Variants in HNRNPA1 observed in about 807,000 individuals in gnomAD.
HNRNPA1 encodes the protein epididymis secretory sperm binding protein.
In HNRNPA1, 7 loss-of-function variants were observed where a neutral mutation model predicts 44.4. The ratio of observed to expected loss-of-function variants is 0.16; its 90% CI spans 0.09 to 0.30. HNRNPA1 has a LOEUF of 0.30. HNRNPA1 is among the 10% of genes least tolerant of loss of function. The pLI is 1.00. For synonymous variants in HNRNPA1, 169 were observed against 160.6 expected, an observed-to-expected ratio of 1.05 and a Z score of -0.40; for missense variants, 193 against 465.8, an observed-to-expected ratio of 0.41 and a Z score of 5.39.
chr12:54,281,871 C>T lies in HNRNPA1; in HGVS notation c.209C>T (p.Ala70Val), dbSNP rs1225931732. The T allele has an allele frequency of 6.2e-7, 1 of 1,613,304 alleles. No individual in the cohort carries two copies. Among genetic ancestry groups the T allele is most frequent in the East Asian group, 2.2e-5 (1 of 44,886 alleles). Residue 70 changes from alanine to valine, a missense_variant, in exon 3 of 11, where the codon GCA becomes GTA. Physicochemically the swap from Ala to Val is moderately conservative, Grantham distance 64 (BLOSUM62 0). Transcript: ENST00000340913. ...VTYATVEEVD[A>V]AMNARPHKVD... ...TATGCCACTGTGGAGGAGGTGGATG[C>T]AGCTATGAATGCAAGGCCACACAAG...
chr12:54,282,068 C>G, intron 3 of HNRNPA1, 22 bp from the exon 4 acceptor site: 1 of 1,608,798 alleles, frequency 6.2e-7, no homozygotes. Context: ...CTAATCTAAA[C>G]CTATGGTTTT....
In HNRNPA1 at chr12:54,282,075, T is replaced by C; in HGVS notation, c.280-15T>C. The C allele has an allele frequency of 6.2e-7, 1 of 1,610,820 alleles. No homozygotes were observed. The highest frequency in any genetic ancestry group is 8.5e-7 in the Non-Finnish European group (1 of 1,177,764). On this transcript the variant is annotated splice_polypyrimidine_tract_variant and intron_variant, in intron 3 of 10. Transcript: ENST00000340913. The stretch of plus-strand genomic sequence containing the variant: ...AGGCTTTGCTAATCTAAACCTATGG[T>C]TTTTCTCCTATTAGGATTCTCAAAG...
At chr12:54,281,712 T>C in intron 2 of HNRNPA1, 83 bp from the exon 3 acceptor site, 1 of 1,406,392 alleles carries the variant, frequency 7.1e-7, no homozygotes. Flanking sequence ...TGGTGTAAAG[T>C]TTCCTATTGC....
At chr12:54,282,746 A>C (rs1944195928) in intron 6 of HNRNPA1, 54 bp from the exon 7 acceptor site, 1 of 1,587,710 alleles carries the variant, frequency 6.3e-7, no homozygotes, top group Non-Finnish European at 8.6e-7. Flanking sequence ...AACTGCATTC[A>C]GAATGTCACT....
At chr12:54,281,653 C>T (rs1485866406) in intron 2 of HNRNPA1, 142 bp from the exon 3 acceptor site, 2 of 1,036,922 alleles carry the variant, frequency 1.9e-6, no homozygotes, top group South Asian at 1.4e-5. Context: ...TTAAAAGCTA[C>T]CTCTTAAATC....
At position 54,284,316 on chromosome 12, in the gene HNRNPA1, A is replaced by G. The variant is rs1944232507; in HGVS notation, c.*3A>G. ...ATGGCAGTGGCAGAAGATTTTAATT[A>G]GGTAAGTAAGCACCTTTTTGTGTGT... On this transcript the variant is annotated splice_region_variant and 3_prime_UTR_variant, in exon 10 of 11. Transcript: ENST00000340913. The G allele has an allele frequency of 1.2e-6, 2 of 1,613,512 alleles. No homozygotes were observed. Among genetic ancestry groups the G allele is most frequent in the South Asian group, 2.2e-5 (2 of 90,982 alleles).
In HNRNPA1 at chr12:54,283,976, T is replaced by A. The variant is rs1400095669; in HGVS notation, c.1063+9T>A. ...AAAACCACGAAACCAAGGTATGGTATCTATGTAATTTTGGATAATGTCAAA... is the reference window on the plus strand; with the variant it reads ...AAAACCACGAAACCAAGGTATGGTAACTATGTAATTTTGGATAATGTCAAA... On this transcript the variant is annotated intron_variant, in intron 9 of 10. Coordinates refer to ENST00000340913, the MANE Select transcript of HNRNPA1 (RefSeq NM_031157.4). 6.2e-7 allele frequency: 1 copy of A among 1,604,154 alleles called. No homozygotes were observed. The highest frequency in any genetic ancestry group is 1.3e-5 in the African/African-American group (1 of 74,894).
At chr12:54,284,022 T>G in intron 9 of HNRNPA1, 55 bp downstream of exon 9, 1 of 1,585,478 alleles carries the variant, frequency 6.3e-7, no homozygotes, top group Non-Finnish European at 8.6e-7. Context: ...TAGCTACTGC[T>G]GGGAAGAAAG....
intron 2 of HNRNPA1, 117 bp from the exon 3 acceptor site, chr12:54,281,678 A>G: frequency 1.7e-6 from 2 of 1,187,440 alleles, no homozygotes; most frequent in East Asian, 2.5e-5. Context: ...GTAGTGGGAA[A>G]CTGGACGACT....
Position 54,280,777 on chromosome 12 carries a change from C to T in HNRNPA1, c.-31C>T, listed in dbSNP as rs760633484. The T allele has an allele frequency of 8.7e-6, 14 of 1,613,998 alleles. No individual in the cohort carries two copies. Among genetic ancestry groups the T allele is most frequent in the South Asian group, 3.3e-5 (3 of 91,082 alleles). ...CTGCCCGTGGACGCCGCCGAAGAAG[C>T]ATCGTTAAAGTCTCTCTTCACCCTG... On this transcript the variant is annotated 5_prime_UTR_variant, in exon 1 of 11. Coordinates refer to ENST00000340913, the MANE Select transcript of HNRNPA1 (RefSeq NM_031157.4).
chr12:54,284,212 T>C (rs764746975), intron 9 of HNRNPA1, 46 bp from the exon 10 acceptor site: 1 of 1,582,010 alleles, frequency 6.3e-7, no homozygotes, highest in Non-Finnish European at 8.7e-7. Context: ...ATGAAAACAT[T>C]ACTGTTGGCA....
At chr12:54,284,230 A>C (rs750448977) in intron 9 of HNRNPA1, 28 bp from the exon 10 acceptor site, 16 of 1,610,038 alleles carry the variant, frequency 9.9e-6, no homozygotes, top group Non-Finnish European at 1.4e-5. Context: ...GCACTTTGAA[A>C]CTTTAAAAGA....
rs774152465 is a variant in HNRNPA1, at chr12:54,282,158, T to C, written c.348T>C (p.Thr116=). Residue 116 remains threonine (T), a synonymous_variant, in exon 4 of 11, where the codon ACT becomes ACC. Coordinates refer to ENST00000340913, the MANE Select transcript of HNRNPA1 (RefSeq NM_031157.4). The part of the protein sequence containing the change: ...KIFVGGIKED[T]EEHHLRDYFE... ...TTGTTGGTGGCATTAAAGAAGACAC[T>C]GAAGAACATCACCTAAGAGATTATT... The C allele has an allele frequency of 6.2e-7, 1 of 1,601,048 alleles. No individual in the cohort carries two copies. Among genetic ancestry groups the C allele is most frequent in the Non-Finnish European group, 8.5e-7 (1 of 1,172,400 alleles).
rs766253242 is a variant in HNRNPA1 at position 54,280,778 on chromosome 12, A to T, written c.-30A>T. On this transcript the variant is annotated 5_prime_UTR_variant, in exon 1 of 11. Coordinates refer to ENST00000340913, the MANE Select transcript of HNRNPA1 (RefSeq NM_031157.4). The stretch of plus-strand genomic sequence containing the variant: ...TGCCCGTGGACGCCGCCGAAGAAGC[A>T]TCGTTAAAGTCTCTCTTCACCCTGC... 1.1e-5 allele frequency: 17 copies of T among 1,613,992 alleles called. No homozygotes were observed. Among genetic ancestry groups the T allele is most frequent in the Admixed American group, 1.7e-5 (1 of 60,004 alleles).
chr12:54,282,804 C>T lies in HNRNPA1; in HGVS notation c.681C>T (p.Gly227=). Residue 227 remains glycine (G), a synonymous_variant, in exon 7 of 11, where the codon GGC becomes GGT. Coordinates refer to ENST00000340913, the MANE Select transcript of HNRNPA1 (RefSeq NM_031157.4). ...ACTTGAAACTTTTTCTTACAGGTGG[C>T]TTTGGTGGCAGCCGTGGTGGTGGTG... ...GRGGNFSGRG[G]FGGSRGGGGY... is the part of the protein sequence containing the mutation. 6.4e-7 allele frequency: 1 copy of T among 1,552,492 alleles called. No individual in the cohort carries two copies. The highest frequency in any genetic ancestry group is 8.7e-7 in the Non-Finnish European group (1 of 1,147,340).
intron 9 of HNRNPA1, 107 bp downstream of exon 9, chr12:54,284,074 T>C (rs1309675982): frequency 7.2e-7 from 1 of 1,393,558 alleles, no homozygotes; most frequent in Admixed American, 2.4e-5. Flanking sequence ...GTTTATAGTT[T>C]AGAACCTTCA....
Position 54,283,828 on chromosome 12 carries a change from T to C in HNRNPA1, c.924T>C (p.Gly308=), listed in dbSNP as rs1270256852. The change falls in exon 9 of 11, where the codon GGT becomes GGC. Residue 308 remains glycine (G), a synonymous_variant. Coordinates refer to ENST00000340913, the MANE Select transcript of HNRNPA1 (RefSeq NM_031157.4). Reference sequence around the variant, plus strand: ...CATTCATAGGAAGCAATTTTGGAGGTGGTGGAAGCTACAATGATTTTGGGA... The same window carrying C: ...CATTCATAGGAAGCAATTTTGGAGGCGGTGGAAGCTACAATGATTTTGGGA... ...FGGGSGSNFG[G]GGSYNDFGNY... is the part of the protein sequence containing the mutation. 1 of 1,613,780 alleles carries C rather than the reference T, an allele frequency of 6.2e-7. No homozygotes were observed.
At chr12:54,283,310 A>C (rs995033775) in intron 8 of HNRNPA1, 76 bp downstream of exon 8, 3 of 1,513,472 alleles carry the variant, frequency 2.0e-6, no homozygotes, top group Non-Finnish European at 1.8e-6. Flanking sequence ...GGTGCTGTTG[A>C]AGCATTGTGT....
chr12:54,282,543 T>C, intron 5 of HNRNPA1, 30 bp from the exon 6 acceptor site: 1 of 1,611,138 alleles, frequency 6.2e-7, no homozygotes, highest in Non-Finnish European at 8.5e-7. Context: ...CCAGTATGAA[T>C]GATTTAATGC....
Sources: gnomAD v4.1 joint callset for allele counts on GRCh38, gnomAD v4.1.1 for gene constraint, MANE v1.5 for transcripts, NCBI Gene and HGNC (gene_info 2026-07-23, HGNC 2026-07-21) for gene names.